Variants in CREB5 observed in about 807,000 individuals in gnomAD.
CREB5 encodes cAMP responsive element binding protein 5.
Under a neutral mutation model 57.1 loss-of-function variants are expected in CREB5, and 19 were observed. That is an observed-to-expected ratio of 0.33 (90% CI 0.23 to 0.49). CREB5 has a LOEUF of 0.49. Ranked by LOEUF, CREB5 falls within the 20% of genes least tolerant of loss-of-function variation. The probability of loss-of-function intolerance (pLI) is 0.99; values close to 1 mark genes in which losing one functional copy is unlikely to be tolerated. For synonymous variants in CREB5, 238 were observed against 238.3 expected, an observed-to-expected ratio of 1.00 and a Z score of 0.01; for missense variants, 579 against 671.6, an observed-to-expected ratio of 0.86 and a Z score of 1.52.
At position 28,412,782 on chromosome 7, in the gene CREB5, C is replaced by T; in HGVS notation, c.-133C>T. On this transcript the variant is annotated 5_prime_UTR_variant, in exon 1 of 11. Transcript: ENST00000357727. ...TTTCACTATCTTCTGGTCTGAAATA[C>T]TGAGGCAAATACTCAAGACTTATTT... 2 of 714,362 alleles carry T rather than the reference C, an allele frequency of 2.8e-6. No individual in the cohort carries two copies. The highest frequency in any genetic ancestry group is 4.2e-6 in the Non-Finnish European group (2 of 473,576). The allele number at this position is 714,362 out of a possible 1,614,324, so 44.3% of individuals were successfully genotyped here. A position where few individuals can be genotyped will look rare whatever the true frequency, so the allele number is the denominator to read the frequency against.
chr7:28,666,950 A>G (rs1799850938), intron 5 of CREB5, among the ~76,000 whole-genome samples: 1 of 151,394 alleles, frequency 6.6e-6, no homozygotes, highest in Non-Finnish European at 1.5e-5. Context: ...AAAAAAAAAA[A>G]CCTCAAAATG....
intron 1 of CREB5, among the ~76,000 whole-genome samples, chr7:28,387,789 AC>A (rs1787141888): frequency 6.6e-6 from 1 of 152,072 alleles, no homozygotes; most frequent in African/African-American, 2.4e-5. Flanking sequence ...CTGCACATGG[AC>A]CCCTGAACTT....
chr7:28,706,628 A>G (rs1376065364), intron 5 of CREB5, among the ~76,000 whole-genome samples: 1 of 152,224 alleles, frequency 6.6e-6, no homozygotes, highest in African/African-American at 2.4e-5. Flanking sequence ...GCCAAGTATC[A>G]TTATTATGAG....
intron 5 of CREB5, among the ~76,000 whole-genome samples, chr7:28,603,717 T>C (rs559807175): frequency 1.8e-3 from 271 of 152,346 alleles, no homozygotes; most frequent in Middle Eastern, 0.01. Flanking sequence ...TGGTAAGCTT[T>C]ATACCCCTAC....
At chr7:28,657,265 G>T (rs563702983) in intron 5 of CREB5, among the ~76,000 whole-genome samples, 1 of 152,232 alleles carries the variant, frequency 6.6e-6, no homozygotes, top group Admixed American at 6.5e-5. Flanking sequence ...TGAACAATTG[G>T]TTTCCAAATA....
At chr7:28,447,463 G>A (rs1789541674) in intron 1 of CREB5, among the ~76,000 whole-genome samples, 2 of 152,214 alleles carry the variant, frequency 1.3e-5, no homozygotes, top group South Asian at 2.1e-4. Flanking sequence ...AACTCATTCA[G>A]TGTCTTAGGG....
rs371140864 is a variant in CREB5 at position 28,747,998 on chromosome 7, A to G, written c.702+23666A>G. On this transcript the variant is annotated intron_variant, in intron 7 of 10. Coordinates refer to ENST00000357727, the MANE Select transcript of CREB5 (RefSeq NM_182898.4). ...TTCCCATAGGAGGAAAGCCAGAACC[A>G]CAGGCCAGGGTCAATGAACGTATTC... Among the ~76,000 whole-genome samples, 11 of 152,168 alleles carry G rather than the reference A, an allele frequency of 7.2e-5. No homozygotes were observed. In the East Asian group the frequency reaches 1.7e-3, roughly 24 times the overall value.
chr7:28,350,499 G>A (rs865920380), intron 1 of CREB5, among the ~76,000 whole-genome samples: 15 of 151,140 alleles, frequency 9.9e-5, no homozygotes, highest in African/African-American at 3.7e-4. Flanking sequence ...TACTATACCT[G>A]TTTCCTCTGG....
At chr7:28,700,414 A>T (rs982001094) in intron 5 of CREB5, among the ~76,000 whole-genome samples, 3 of 152,176 alleles carry the variant, frequency 2.0e-5, no homozygotes, top group African/African-American at 7.2e-5. Flanking sequence ...TTGCCTTCAT[A>T]AATGATGAAT....
intron 1 of CREB5, among the ~76,000 whole-genome samples, chr7:28,366,406 C>T (rs932635723): frequency 2.0e-5 from 3 of 151,988 alleles, no homozygotes; most frequent in East Asian, 3.9e-4. Flanking sequence ...GATGTTTTTC[C>T]CCACCCATTT....
At chr7:28,635,484 G>A (rs1277735991) in intron 5 of CREB5, among the ~76,000 whole-genome samples, 1 of 152,182 alleles carries the variant, frequency 6.6e-6, no homozygotes, top group Non-Finnish European at 1.5e-5. Context: ...GCTTAAATTA[G>A]TAGACCAGTC....
intron 1 of CREB5, among the ~76,000 whole-genome samples, chr7:28,329,077 T>C (rs562952637): frequency 6.6e-6 from 1 of 152,342 alleles, no homozygotes; most frequent in Admixed American, 6.5e-5. Flanking sequence ...AAACTCTCTG[T>C]TCAGAGGAAT....
At chr7:28,463,940 C>A (rs1790453115) in intron 1 of CREB5, among the ~76,000 whole-genome samples, 1 of 152,112 alleles carries the variant, frequency 6.6e-6, no homozygotes. Flanking sequence ...ATTGCCATGG[C>A]TAAAACCTTC....
chr7:28,526,502 TTGG>T (rs1468130294), intron 4 of CREB5, among the ~76,000 whole-genome samples: 3 of 152,238 alleles, frequency 2.0e-5, no homozygotes, highest in Non-Finnish European at 4.4e-5. Flanking sequence ...TTTGCCTTCT[TTGG>T]TGGCATTTAA....
At chr7:28,650,921 C>T (rs146388496) in intron 5 of CREB5, among the ~76,000 whole-genome samples, 17 of 152,158 alleles carry the variant, frequency 1.1e-4, no homozygotes, top group African/African-American at 3.6e-4. Flanking sequence ...ATAAAGATGG[C>T]AGGGGTCTGT....
At chr7:28,362,670 T>C (rs1187102916) in intron 1 of CREB5, among the ~76,000 whole-genome samples, 2 of 152,250 alleles carry the variant, frequency 1.3e-5, no homozygotes, top group Admixed American at 1.3e-4. Flanking sequence ...TGAGCTGTAA[T>C]TAATAGGTAT....
intron 4 of CREB5, among the ~76,000 whole-genome samples, chr7:28,520,509 G>A (rs1042986719): frequency 1.6e-4 from 25 of 152,152 alleles, no homozygotes; most frequent in African/African-American, 5.1e-4. Flanking sequence ...TGCTCCTAGG[G>A]CCAAATCCCC....
chr7:28,512,201 TC>T (rs1365729720), intron 4 of CREB5, among the ~76,000 whole-genome samples: 1 of 152,132 alleles, frequency 6.6e-6, no homozygotes, highest in Non-Finnish European at 1.5e-5. Context: ...GGTTTGGAAT[TC>T]AAGGGAGAAG....
chr7:28,545,717 A>G lies in CREB5; in HGVS notation c.292-24648A>G, dbSNP rs529797131. 1.2e-4 allele frequency among the ~76,000 whole-genome samples: 18 copies of G among 152,314 alleles called. No homozygotes were observed. In the South Asian group the frequency reaches 1.7e-3, roughly 14 times the overall value. On this transcript the variant is annotated intron_variant, in intron 4 of 10. Coordinates refer to ENST00000357727, the MANE Select transcript of CREB5 (RefSeq NM_182898.4). ...ACTTCTCAGATCAGAGATCATTGTC[A>G]TCACAGATGAGAGAAAATTTCCACT...
Sources: gnomAD v4.1 joint callset for allele counts (sites outside exome capture counted in the v4.1 genomes callset) on GRCh38, gnomAD v4.1.1 for gene constraint, MANE v1.5 for transcripts, NCBI Gene and HGNC (gene_info 2026-07-23, HGNC 2026-07-21) for gene names.